The following PRKG1 variants were observed in gnomAD, a reference collection of about 807,000 sequenced individuals.
PRKG1 encodes protein kinase cGMP-dependent 1.
A neutral mutation model predicts 88.1 loss-of-function variants in PRKG1; 35 were observed. The ratio of observed to expected loss-of-function variants is 0.40; its 90% confidence interval spans 0.30 to 0.53. The LOEUF is 0.53. PRKG1 is among the 20% of genes least tolerant of loss of function. The pLI, the probability that PRKG1 is intolerant of heterozygous loss-of-function variation, is 0.59. For missense variants in PRKG1, 540 were observed against 839.8 expected (o/e 0.64, Z 4.41); for synonymous variants, 303 against 292.5 (o/e 1.04, Z -0.37).
chr10:51,661,662 A>G (rs10823368), intron 3 of PRKG1, among the ~76,000 whole-genome samples: 81,410 of 152,044 alleles, frequency 0.54, 23,014 homozygotes, highest in Middle Eastern at 0.73. Context: ...ATTGTGGAAG[A>G]CAGTGTGGCA....
chr10:52,059,910 A>G (rs1312224237), intron 6 of PRKG1, among the ~76,000 whole-genome samples: 1 of 151,922 alleles, frequency 6.6e-6, no homozygotes, highest in East Asian at 1.9e-4. Context: ...TAACAAGAAA[A>G]TGTTCGAGTC....
chr10:51,557,151 A>T (rs1363065009), intron 3 of PRKG1, among the ~76,000 whole-genome samples: 1 of 151,392 alleles, frequency 6.6e-6, no homozygotes, highest in Non-Finnish European at 1.5e-5. Flanking sequence ...TTTCCCTCTC[A>T]TTGTGGTCTT....
intron 8 of PRKG1, among the ~76,000 whole-genome samples, chr10:52,158,499 G>A (rs964121776): frequency 6.6e-6 from 1 of 151,616 alleles, no homozygotes; most frequent in South Asian, 2.1e-4. Context: ...TGTGCCAGGA[G>A]TGATAAATTC....
chr10:51,364,669 T>C (rs183928890), intron 2 of PRKG1, among the ~76,000 whole-genome samples: 1 of 151,924 alleles, frequency 6.6e-6, no homozygotes, highest in African/African-American at 2.4e-5. Context: ...TATAAAAAAA[T>C]TTCAGGAAAA....
intron 3 of PRKG1, among the ~76,000 whole-genome samples, chr10:51,596,605 G>A (rs939679250): frequency 3.3e-5 from 5 of 152,104 alleles, no homozygotes; most frequent in African/African-American, 4.8e-5. Flanking sequence ...TTATTTCTCA[G>A]TAGGTTTATG....
chr10:51,518,502 G>C (rs1185457084), intron 3 of PRKG1, among the ~76,000 whole-genome samples: 1 of 152,148 alleles, frequency 6.6e-6, no homozygotes, highest in Non-Finnish European at 1.5e-5. Flanking sequence ...CATCCTGTTA[G>C]CATAGTCTGA....
chr10:51,397,000 C>T (rs554748722), intron 2 of PRKG1, among the ~76,000 whole-genome samples: 1 of 152,290 alleles, frequency 6.6e-6, no homozygotes, highest in East Asian at 1.9e-4. Flanking sequence ...CAGGATCTGA[C>T]TCTGCCTCAT....
intron 3 of PRKG1, among the ~76,000 whole-genome samples, chr10:51,501,489 C>T (rs2132042564): frequency 6.6e-6 from 1 of 152,186 alleles, no homozygotes; most frequent in South Asian, 2.1e-4. Flanking sequence ...CTGTAGCTGG[C>T]ATGTGTCTTG....
At chr10:51,978,436 C>CTAT (rs1339161033) in intron 5 of PRKG1, among the ~76,000 whole-genome samples, 1 of 134,330 alleles carries the variant, frequency 7.4e-6, no homozygotes, top group Non-Finnish European at 1.6e-5. Flanking sequence ...CATTCGGGCT[C>CTAT]TTTTTTTTTT....
At chr10:51,334,184 CTCTCTCTCA>C in intron 2 of PRKG1, among the ~76,000 whole-genome samples, 1 of 149,542 alleles carries the variant, frequency 6.7e-6, no homozygotes, top group Non-Finnish European at 1.5e-5. Context: ...CTCTCTCTCT[CTCTCTCTCA>C]CTCACACACA....
chr10:51,151,437 T>G (rs572195764), intron 1 of PRKG1, among the ~76,000 whole-genome samples: 1 of 152,174 alleles, frequency 6.6e-6, no homozygotes, highest in East Asian at 1.9e-4. Flanking sequence ...GCTGATATTT[T>G]TAAAATATCA....
At chr10:51,580,947 C>T (rs1838016312) in intron 3 of PRKG1, among the ~76,000 whole-genome samples, 3 of 151,996 alleles carry the variant, frequency 2.0e-5, no homozygotes, top group Admixed American at 6.6e-5. Context: ...TCTTTGTTCC[C>T]AGGTGGATCA....
intron 8 of PRKG1, among the ~76,000 whole-genome samples, chr10:52,146,806 T>C (rs1198315908): frequency 6.6e-6 from 1 of 152,204 alleles, no homozygotes; most frequent in Non-Finnish European, 1.5e-5. Context: ...TTAGAATTAC[T>C]GATTCAAAGG....
At position 52,294,042 on chromosome 10, in the gene PRKG1, T is replaced by G. The variant is rs1397462310; in HGVS notation, c.*142T>G. The G allele has an allele frequency of 3.1e-6, 2 of 644,652 alleles. No homozygotes were observed. The allele number at this position is 644,652 out of a possible 1,614,324, so 39.9% of individuals were successfully genotyped here. A position where few individuals can be genotyped will look rare whatever the true frequency, so the allele number is the denominator to read the frequency against. On this transcript the variant is annotated 3_prime_UTR_variant, in exon 18 of 18. Transcript: ENST00000373980. ...ATCGATGCTGCTCCAGTAACTACAGTGGCATTAGGACTTACCGCTTAGATG... is the reference window on the plus strand; with the variant it reads ...ATCGATGCTGCTCCAGTAACTACAGGGGCATTAGGACTTACCGCTTAGATG...
chr10:51,818,593 G>A (rs1839654082), intron 4 of PRKG1, among the ~76,000 whole-genome samples: 1 of 152,134 alleles, frequency 6.6e-6, no homozygotes, highest in African/African-American at 2.4e-5. Context: ...TATACAATGT[G>A]TTTGATCTCT....
chr10:52,227,357 AACC>A (rs1840412704), intron 9 of PRKG1, among the ~76,000 whole-genome samples: 1 of 152,284 alleles, frequency 6.6e-6, no homozygotes, highest in African/African-American at 2.4e-5. Context: ...CATTGGATTC[AACC>A]AACCACAAAT....
intron 7 of PRKG1, among the ~76,000 whole-genome samples, chr10:52,107,193 C>A (rs919147987): frequency 6.6e-6 from 1 of 152,120 alleles, no homozygotes; most frequent in East Asian, 1.9e-4. Flanking sequence ...AATAGAATGA[C>A]CAGAACAAGA....
intron 5 of PRKG1, among the ~76,000 whole-genome samples, chr10:51,921,292 T>C (rs934466030): frequency 6.6e-6 from 1 of 152,126 alleles, no homozygotes; most frequent in Non-Finnish European, 1.5e-5. Context: ...AATCACTTAC[T>C]AGTTCCAGGA....
chr10:52,177,780 G>A (rs1409606951), intron 9 of PRKG1, among the ~76,000 whole-genome samples: 1 of 151,668 alleles, frequency 6.6e-6, no homozygotes. Context: ...ATTTACTGGT[G>A]TATAGTTGCT....
Sources: gnomAD v4.1 joint callset for allele counts (sites outside exome capture counted in the v4.1 genomes callset) on GRCh38, gnomAD v4.1.1 for gene constraint, MANE v1.5 for transcripts, NCBI Gene and HGNC (gene_info 2026-07-23, HGNC 2026-07-21) for gene names.